Variants in VPS9D1 observed in about 807,000 individuals in gnomAD.
VPS9D1 encodes the protein VPS9 domain containing 1, also known as VPS9 domain-containing protein 1.
VPS9D1 carries 78 observed loss-of-function variants against 75.8 expected under a neutral mutation model. The ratio of observed to expected loss-of-function variants is 1.03; its 90% CI spans 0.86 to 1.24. The LOEUF (loss-of-function observed/expected upper bound fraction) is 1.24. Among genes scored for constraint, VPS9D1 ranks in the 50% most tolerant of loss-of-function variants. The pLI is 0.00. For synonymous variants in VPS9D1, 481 were observed against 385.6 expected (o/e 1.25, Z -2.90); for missense variants, 1,057 against 847.7 (o/e 1.25, Z -3.07).
rs762370728 is a variant in VPS9D1 at position 89,716,708 on chromosome 16, C to T, written c.268+22G>A. ...GGGCTTGGGGGATGCCCCAGGAGAG[C>T]CGCCTACTGCAGGAGACCCACCAAG... On this transcript the variant is annotated intron_variant, in intron 3 of 14. Coordinates refer to ENST00000389386, the MANE Select transcript of VPS9D1 (RefSeq NM_004913.3). The T allele has an allele frequency of 3.1e-5, 50 of 1,589,492 alleles. No individual in the cohort carries two copies. In the South Asian group the frequency reaches 5.0e-4, roughly 16 times the overall value.
intron 1 of VPS9D1, 32 bp downstream of exon 1, chr16:89,720,731 A>G: frequency 7.1e-7 from 1 of 1,418,008 alleles, no homozygotes. Flanking sequence ...GGCCACCCTC[A>G]GCGGCCAAGC....
intron 4 of VPS9D1, among the ~76,000 whole-genome samples, chr16:89,715,288 G>A (rs1356241150): frequency 2.8e-5 from 4 of 145,218 alleles, no homozygotes; most frequent in African/African-American, 5.1e-5. Flanking sequence ...ATGCAGTGGC[G>A]CAATCTCAAC....
chr16:89,718,989 C>T (rs753319943), intron 2 of VPS9D1, 38 bp downstream of exon 2: 3 of 1,582,056 alleles, frequency 1.9e-6, no homozygotes, highest in Non-Finnish European at 2.6e-6. Context: ...GCTGGGATTA[C>T]AGGCGTGAGC....
Position 89,709,412 on chromosome 16 carries a change from G to A in VPS9D1, c.1412C>T (p.Ala471Val). 2 of 1,519,742 alleles carry A rather than the reference G, an allele frequency of 1.3e-6. No individual in the cohort carries two copies. The highest frequency in any genetic ancestry group is 8.8e-7 in the Non-Finnish European group (1 of 1,141,338). 94.1% of individuals were successfully genotyped at this position (1,519,742 alleles called of 1,614,324 possible). Residue 471 changes from alanine to valine, a missense_variant, in exon 12 of 15, where the codon GCT (alanine) becomes GTT (valine). Transcript: ENST00000389386. Reference protein sequence around the residue: ...LYRSVHRAREAALSRSMELYR... With the variant: ...LYRSVHRAREVALSRSMELYR... ...GAGCTCCATGCTCCTGCTCAGGGCA[G>A]CCTCCCGGGCTCGGTGCACGCTCCT...
rs540005434 is a variant in VPS9D1 at position 89,712,330 on chromosome 16, G to A, written c.606+130C>T. 7.4e-5 allele frequency: 104 copies of A among 1,413,358 alleles called. 1 individual carries two copies. The South Asian group carries it at 1.2e-3, about 16-fold the overall frequency. The allele number at this position is 1,413,358 out of a possible 1,614,324, so 87.6% of individuals were successfully genotyped here. On this transcript the variant is annotated intron_variant, in intron 6 of 14. Transcript: ENST00000389386. ...TCCCCTGAGACCCTGCCTCTGCAAA[G>A]CGGGGAGCCCCTCGGCCCTGTACCC...
At position 89,716,437 on chromosome 16, in the gene VPS9D1, C is replaced by A. The variant is rs778524959; in HGVS notation, c.431+25G>T. ...TCAAAAACCCAATCCCAGGCTCATCCCACCTCCCATCTTGTCCATCTTACT... is the reference window on the plus strand; with the variant it reads ...TCAAAAACCCAATCCCAGGCTCATCACACCTCCCATCTTGTCCATCTTACT... On this transcript the variant is annotated intron_variant, in intron 4 of 14. Transcript: ENST00000389386. 3 of 1,613,340 alleles carry A rather than the reference C, an allele frequency of 1.9e-6. No homozygotes were observed. The East Asian group carries it at 6.7e-5, about 36-fold the overall frequency.
chr16:89,717,641 C>T (rs1053082468), intron 2 of VPS9D1: 6 of 456,426 alleles, frequency 1.3e-5, no homozygotes, highest in African/African-American at 4.0e-5. Context: ...CGACTCCCCC[C>T]GGAAACTGCC....
At chr16:89,708,049 C>T (rs2060831004) in intron 14 of VPS9D1, 95 bp from the exon 15 acceptor site, 1 of 1,278,104 alleles carries the variant, frequency 7.8e-7, no homozygotes, top group African/African-American at 1.5e-5. Context: ...CAGTTCAGGA[C>T]CTGGGTGCTG....
At chr16:89,719,634 G>A (rs1215013483) in intron 1 of VPS9D1, among the ~76,000 whole-genome samples, 1 of 152,134 alleles carries the variant, frequency 6.6e-6, no homozygotes, top group Non-Finnish European at 1.5e-5. Flanking sequence ...CGTATTTCCA[G>A]TGCACACAGG....
At chr16:89,717,551 G>A (rs919503127) in intron 2 of VPS9D1, 4 of 456,230 alleles carry the variant, frequency 8.8e-6, no homozygotes, top group East Asian at 7.0e-5. Flanking sequence ...CCGCCCCAGC[G>A]CCTGACCCAC....
At position 89,712,520 on chromosome 16, in the gene VPS9D1, G is replaced by T. The variant is rs541898461; in HGVS notation, c.546C>A (p.Thr182=). 1.2e-6 allele frequency: 2 copies of T among 1,612,208 alleles called. No individual in the cohort carries two copies. The highest frequency in any genetic ancestry group is 1.7e-6 in the Non-Finnish European group (2 of 1,179,916). The change falls in exon 6 of 15, where the codon ACC becomes ACA. Residue 182 remains threonine (T), a splice_region_variant and synonymous_variant. Coordinates refer to ENST00000389386, the MANE Select transcript of VPS9D1 (RefSeq NM_004913.3). ...PSQAMQKTSL[T]LSLQRQMMEN... is the part of the protein sequence containing the mutation. ...CCATCATCTGCCGCTGTAGAGAGAGGGTCTGGGGGGGGAGGAGGGAGTAAG... is the reference window on the plus strand; with the variant it reads ...CCATCATCTGCCGCTGTAGAGAGAGTGTCTGGGGGGGGAGGAGGGAGTAAG...
chr16:89,717,205 C>G (rs554909017), intron 2 of VPS9D1: 17 of 278,808 alleles, frequency 6.1e-5, no homozygotes, highest in South Asian at 4.2e-4. Flanking sequence ...GGCAAGTCCC[C>G]CCACCCACGC....
intron 6 of VPS9D1, 61 bp from the exon 7 acceptor site, chr16:89,712,160 G>A: frequency 6.5e-7 from 1 of 1,544,728 alleles, no homozygotes; most frequent in Non-Finnish European, 8.7e-7. Flanking sequence ...TCCCAACCCC[G>A]TCCCACACCC....
At position 89,707,944 on chromosome 16, in the gene VPS9D1, C is replaced by T. The variant is rs754986546; in HGVS notation, c.1813G>A (p.Gly605Arg). ...GATGTGAGGCAGTAGCCCTCCTCTC[C>T]GATCAGGTACCTGCATGGATGGCAG... ...EEFIHEGYLIGEEGYCLTSLQ... is the reference protein window; with the variant it reads ...EEFIHEGYLIREEGYCLTSLQ... The change falls in exon 15 of 15, where the codon GGA becomes AGA. Residue 605 changes from glycine (G) to arginine (R), a missense_variant. Physicochemically the swap from Gly to Arg is moderately radical, Grantham distance 125. Coordinates refer to ENST00000389386, the MANE Select transcript of VPS9D1 (RefSeq NM_004913.3). 2.5e-6 allele frequency: 4 copies of T among 1,612,982 alleles called. No individual in the cohort carries two copies. Among genetic ancestry groups the T allele is most frequent in the Admixed American group, 3.3e-5 (2 of 60,006 alleles).
intron 8 of VPS9D1, 89 bp downstream of exon 8, chr16:89,711,793 C>G: frequency 1.5e-5 from 20 of 1,358,680 alleles, no homozygotes; most frequent in Non-Finnish European, 2.0e-5. Context: ...CCTCTGGCTC[C>G]GCCCCCCACG....
intron 14 of VPS9D1, 124 bp downstream of exon 14, chr16:89,708,303 G>T: frequency 1.0e-6 from 1 of 953,042 alleles, no homozygotes; most frequent in South Asian, 1.6e-5. Context: ...GCTGCCCGAA[G>T]GCATGGCTGT....
chr16:89,719,289 G>C, intron 1 of VPS9D1, 187 bp from the exon 2 acceptor site: 1 of 660,296 alleles, frequency 1.5e-6, no homozygotes, highest in Non-Finnish European at 2.8e-6. Context: ...GCAGGGCACA[G>C]GCAGCATCGC....
chr16:89,711,764 C>CCCT, intron 8 of VPS9D1, 118 bp downstream of exon 8: 1 of 1,251,924 alleles, frequency 8.0e-7, no homozygotes, highest in Non-Finnish European at 1.1e-6. Flanking sequence ...TGGCCCCGCC[C>CCCT]CCTCACTGCC....
At chr16:89,712,357 G>C in intron 6 of VPS9D1, 103 bp downstream of exon 6, 1 of 1,537,530 alleles carries the variant, frequency 6.5e-7, no homozygotes. Context: ...CCTGTACCCC[G>C]ACCCCGGAAC....
Sources: allele counts gnomAD v4.1 joint callset (sites outside exome capture counted in the v4.1 genomes callset), GRCh38; gene constraint gnomAD v4.1.1; transcripts MANE v1.5; gene names NCBI Gene and HGNC (gene_info 2026-07-23, HGNC 2026-07-21).